Variants in FNDC3B observed in about 807,000 individuals in gnomAD.
The protein encoded by FNDC3B is fibronectin type III domain containing 3B.
Under a neutral mutation model 151.5 loss-of-function variants are expected in FNDC3B, and 12 were observed. The observed-to-expected ratio is 0.08, with a 90% CI of 0.05 to 0.13. The LOEUF (loss-of-function observed/expected upper bound fraction) is 0.13, where lower values mean the gene tolerates loss of function less well. Among genes scored for constraint, FNDC3B ranks in the 10% least tolerant of loss-of-function variants. FNDC3B has a pLI of 1.00. For missense variants in FNDC3B, 1,214 were observed against 1,505.3 expected, an observed-to-expected ratio of 0.81 and a Z score of 3.20; for synonymous variants, 528 against 549.0, an observed-to-expected ratio of 0.96 and a Z score of 0.54.
At chr3:172,153,046 G>T (rs1215009883) in intron 3 of FNDC3B, among the ~76,000 whole-genome samples, 3 of 152,138 alleles carry the variant, frequency 2.0e-5, no homozygotes, top group African/African-American at 7.2e-5. Flanking sequence ...CCCTGGGTCA[G>T]GTTTTCCATC....
At chr3:172,356,686 T>G (rs771672546) in intron 22 of FNDC3B, among the ~76,000 whole-genome samples, 3 of 152,192 alleles carry the variant, frequency 2.0e-5, no homozygotes, top group Non-Finnish European at 2.9e-5. Flanking sequence ...ATAACTTTAC[T>G]CGGAGCCCAT....
chr3:172,235,755 T>C (rs1727125668), intron 4 of FNDC3B, among the ~76,000 whole-genome samples: 1 of 152,242 alleles, frequency 6.6e-6, no homozygotes, highest in South Asian at 2.1e-4. Context: ...GTGAAAGTCT[T>C]GAATGGTAAC....
chr3:172,182,369 C>T (rs1388496793), intron 3 of FNDC3B, among the ~76,000 whole-genome samples: 3 of 152,138 alleles, frequency 2.0e-5, no homozygotes, highest in African/African-American at 7.2e-5. Context: ...CGTAAGTGGC[C>T]AGCCTTGTGA....
In FNDC3B at chr3:172,295,469, C is replaced by T. The variant is rs374959823; in HGVS notation, c.956C>T (p.Ala319Val). The T allele has an allele frequency of 7.9e-5, 127 of 1,613,880 alleles. No homozygotes were observed. The highest frequency in any genetic ancestry group is 6.6e-4 in the Middle Eastern group (4 of 6,084). Residue 319 changes from alanine to valine, a missense_variant, in exon 8 of 26, where the codon GCC becomes GTC. Ala to Val is a moderately conservative substitution (Grantham distance 64). Transcript: ENST00000415807. The stretch of plus-strand genomic sequence containing the variant: ...TCCTTCCCCTACAGTTACGAGGTGG[C>T]CTTATCAGACAAAGGACGAGATGGA... ...GLSFPYSYEV[A>V]LSDKGRDGKY...
intron 4 of FNDC3B, 80 bp downstream of exon 4, chr3:172,227,027 C>A: frequency 1.0e-6 from 1 of 998,820 alleles, no homozygotes; most frequent in Non-Finnish European, 1.6e-6. Context: ...GCTTCAAAGC[C>A]ATATTCCAGG....
intron 1 of FNDC3B, among the ~76,000 whole-genome samples, chr3:172,051,098 T>C (rs1453449847): frequency 1.3e-5 from 2 of 151,564 alleles, no homozygotes; most frequent in South Asian, 2.1e-4. Context: ...TTTTTTTTTT[T>C]TGGAGATGGA....
intron 3 of FNDC3B, among the ~76,000 whole-genome samples, chr3:172,149,013 T>C (rs973656305): frequency 1.3e-5 from 2 of 152,188 alleles, no homozygotes; most frequent in Non-Finnish European, 2.9e-5. Context: ...CTTTAGAATT[T>C]GAGACAAAGT....
chr3:172,060,502 A>T (rs1252842039), intron 1 of FNDC3B, among the ~76,000 whole-genome samples: 2 of 152,234 alleles, frequency 1.3e-5, no homozygotes, highest in African/African-American at 4.8e-5. Context: ...GACCTAGAAG[A>T]TTGTAGGAAC....
At chr3:172,167,169 GC>G (rs1723046158) in intron 3 of FNDC3B, among the ~76,000 whole-genome samples, 1 of 152,230 alleles carries the variant, frequency 6.6e-6, no homozygotes, top group Non-Finnish European at 1.5e-5. Flanking sequence ...GCTGAGGCGG[GC>G]GGATCACCTG....
intron 23 of FNDC3B, among the ~76,000 whole-genome samples, chr3:172,375,482 G>A (rs1288866130): frequency 6.6e-6 from 1 of 152,122 alleles, no homozygotes; most frequent in Admixed American, 6.6e-5. Context: ...CATGCCCATC[G>A]TCTCCTTCCC....
At chr3:172,086,317 G>A (rs1237735931) in intron 1 of FNDC3B, among the ~76,000 whole-genome samples, 3 of 151,488 alleles carry the variant, frequency 2.0e-5, no homozygotes, top group Non-Finnish European at 4.4e-5. Context: ...CCATGATCCT[G>A]CCACTGCACT....
intron 3 of FNDC3B, among the ~76,000 whole-genome samples, chr3:172,197,881 C>T (rs979483608): frequency 1.3e-5 from 2 of 152,150 alleles, no homozygotes; most frequent in Non-Finnish European, 2.9e-5. Context: ...TGGTACCTGC[C>T]AGTCTTCTCC....
At chr3:172,133,395 A>G (rs1721205948) in intron 2 of FNDC3B, 76 bp from the exon 3 acceptor site, 3 of 1,124,546 alleles carry the variant, frequency 2.7e-6, no homozygotes, top group Non-Finnish European at 2.7e-6. Context: ...TGTCTAGTAT[A>G]TAAATTTAGG....
At chr3:172,230,338 C>CAAA (rs35470086) in intron 4 of FNDC3B, among the ~76,000 whole-genome samples, 2,145 of 130,154 alleles carry the variant, frequency 0.016, 60 homozygotes, top group African/African-American at 0.059. Context: ...ACTAAAAATA[C>CAAA]AAAAAAAAAA....
intron 2 of FNDC3B, among the ~76,000 whole-genome samples, chr3:172,131,486 A>G (rs534983430): frequency 1.3e-5 from 2 of 152,298 alleles, no homozygotes; most frequent in South Asian, 2.1e-4. Flanking sequence ...GTGTGCTTAC[A>G]TTGGTGATAA....
chr3:172,125,438 G>T (rs116566631), intron 2 of FNDC3B, among the ~76,000 whole-genome samples: 596 of 152,276 alleles, frequency 3.9e-3, no homozygotes, highest in African/African-American at 0.014. Context: ...GAGAGATGGT[G>T]GTGGCCAGAG....
intron 11 of FNDC3B, among the ~76,000 whole-genome samples, chr3:172,327,057 A>G (rs1732391799): frequency 1.3e-5 from 2 of 152,162 alleles, no homozygotes; most frequent in Non-Finnish European, 2.9e-5. Context: ...ATAGAGTGTG[A>G]TCGGATGCTG....
At chr3:172,051,058 T>C (rs1716625521) in intron 1 of FNDC3B, among the ~76,000 whole-genome samples, 1 of 151,996 alleles carries the variant, frequency 6.6e-6, no homozygotes, top group African/African-American at 2.4e-5. Flanking sequence ...GCCATCATTT[T>C]AGATAACTTA....
rs1261865844 is a variant in FNDC3B, at chr3:172,385,644, T to C, written c.3303+4551T>C. 2.0e-5 allele frequency among the ~76,000 whole-genome samples: 3 copies of C among 151,732 alleles called. No homozygotes were observed. The East Asian group carries it at 5.8e-4, about 29-fold the overall frequency. ...CGTGATCTCGGCTCACTGCAAGGTCTGCCTCCCGGGTTCACGCCATTCTCC... is the reference window on the plus strand; with the variant it reads ...CGTGATCTCGGCTCACTGCAAGGTCCGCCTCCCGGGTTCACGCCATTCTCC... On this transcript the variant is annotated intron_variant, in intron 25 of 25. Transcript: ENST00000415807.
Sources: gnomAD v4.1 joint callset for allele counts (sites outside exome capture counted in the v4.1 genomes callset) on GRCh38, gnomAD v4.1.1 for gene constraint, MANE v1.5 for transcripts, NCBI Gene and HGNC (gene_info 2026-07-23, HGNC 2026-07-21) for gene names.